DAAM2: variants seen among roughly 807,000 people sequenced by gnomAD.
The protein encoded by DAAM2 is dishevelled associated activator of morphogenesis 2, also known as disheveled-associated activator of morphogenesis 2.
In DAAM2, 39 loss-of-function variants were observed where a neutral mutation model predicts 120.7. The ratio of observed to expected loss-of-function variants is 0.32; its 90% CI spans 0.25 to 0.42. The LOEUF is 0.42. DAAM2 is among the 10% of genes least tolerant of loss of function. The pLI is 1.00. For synonymous variants in DAAM2, 488 were observed against 524.9 expected, an observed-to-expected ratio of 0.93 and a Z score of 0.96; for missense variants, 1,283 against 1,401.7, an observed-to-expected ratio of 0.92 and a Z score of 1.35.
Position 39,869,081 on chromosome 6 carries a change from CG to C in DAAM2, c.873+150del, listed in dbSNP as rs1764546773. The C allele has an allele frequency of 7.7e-6, 5 of 651,038 alleles. No individual in the cohort carries two copies. In the East Asian group the frequency reaches 1.4e-4, roughly 18 times the overall value. The allele number at this position is 651,038 out of a possible 1,614,324, so 40.3% of individuals were successfully genotyped here. The stretch of plus-strand genomic sequence containing the variant: ...TTGCCTACATAGGTAGCATCATGCA[CG>C]GTGGACAGACCCAGAGCTGAGCTGG... On this transcript the variant is annotated intron_variant, in intron 7 of 24. Transcript: ENST00000274867.
intron 1 of DAAM2, among the ~76,000 whole-genome samples, chr6:39,800,245 AC>A (rs1436566552): frequency 2.0e-5 from 3 of 152,118 alleles, no homozygotes; most frequent in African/African-American, 7.2e-5. Context: ...AGGCTGCGTG[AC>A]GGATGTACAC....
At chr6:39,807,432 A>G (rs1762041518) in intron 1 of DAAM2, among the ~76,000 whole-genome samples, 1 of 152,246 alleles carries the variant, frequency 6.6e-6, no homozygotes, top group African/African-American at 2.4e-5. Context: ...TAGGAAAGGC[A>G]GTAAGGCAGA....
intron 7 of DAAM2, among the ~76,000 whole-genome samples, chr6:39,869,753 CTTTTTTTTT>C (rs531295826): frequency 1.4e-3 from 146 of 102,018 alleles, no homozygotes; most frequent in African/African-American, 4.1e-3. Flanking sequence ...CGCCAGCATA[CTTTTTTTTT>C]TTTTTTTTTT....
intron 1 of DAAM2, among the ~76,000 whole-genome samples, chr6:39,847,597 TAGTC>T (rs1342863095): frequency 1.3e-5 from 2 of 152,114 alleles, no homozygotes; most frequent in South Asian, 2.1e-4. Context: ...CCCAGGTTCA[TAGTC>T]AGCCCAGGTC....
chr6:39,888,891 T>A, intron 17 of DAAM2, 128 bp downstream of exon 17: 1 of 576,778 alleles, frequency 1.7e-6, no homozygotes, highest in Non-Finnish European at 2.9e-6. Flanking sequence ...AGGGAGAAGG[T>A]TTATAGAAGC....
chr6:39,878,538 C>T lies in DAAM2; in HGVS notation c.1495C>T (p.Gln499Ter). The stretch of plus-strand genomic sequence containing the variant: ...GGCCCGGGAGTCCCAGGAGCTGCGC[C>T]AGGCTCGGGGACAAGTGGCAGAGCT... ...KLARESQELR[Q>*]ARGQVAELVA... Residue 499 changes from glutamine to a stop codon, truncating the protein, a stop_gained, in exon 13 of 25, where the codon CAG becomes TAG. Transcript: ENST00000274867. LOFTEE classifies it high-confidence loss of function. The surrounding 1 kb of genome is among the most constrained non-coding windows in gnomAD (Gnocchi z 5.0). 1 of 1,610,066 alleles carries T rather than the reference C, an allele frequency of 6.2e-7. No homozygotes were observed. The highest frequency in any genetic ancestry group is 8.5e-7 in the Non-Finnish European group (1 of 1,178,234).
At chr6:39,877,701 T>G (rs1179188445) in intron 11 of DAAM2, among the ~76,000 whole-genome samples, 1 of 152,250 alleles carries the variant, frequency 6.6e-6, no homozygotes, top group Admixed American at 6.5e-5. Flanking sequence ...TGAACAAGGC[T>G]GTCCTCTGTG....
At chr6:39,806,320 A>G (rs755209235) in intron 1 of DAAM2, among the ~76,000 whole-genome samples, 18 of 152,210 alleles carry the variant, frequency 1.2e-4, no homozygotes, top group Non-Finnish European at 2.4e-4. Context: ...TAGAGGAGCC[A>G]TTTCATCTGT....
chr6:39,839,917 G>A (rs1331068971), intron 1 of DAAM2, among the ~76,000 whole-genome samples: 1 of 152,146 alleles, frequency 6.6e-6, no homozygotes, highest in Non-Finnish European at 1.5e-5. Flanking sequence ...TGGGGGAGAA[G>A]AATGGGAGTT....
At position 39,880,556 on chromosome 6, in the gene DAAM2, C is replaced by A. The variant is rs187168513; in HGVS notation, c.1845+1079C>A. 3.2e-4 allele frequency among the ~76,000 whole-genome samples: 49 copies of A among 152,298 alleles called. 1 individual carries two copies. Among genetic ancestry groups the A allele is most frequent in the Middle Eastern group, 3.4e-3 (1 of 294 alleles). On this transcript the variant is annotated intron_variant, in intron 14 of 24. Coordinates refer to ENST00000274867, the MANE Select transcript of DAAM2 (RefSeq NM_001201427.2). ...AAATTAGGAAGCATGTTCAAAGAAACCCCTAGAGAGCCTGAGATGAGTTAA... is the reference window on the plus strand; with the variant it reads ...AAATTAGGAAGCATGTTCAAAGAAAACCCTAGAGAGCCTGAGATGAGTTAA...
intron 3 of DAAM2, chr6:39,861,586 C>T: frequency 5.3e-6 from 1 of 188,344 alleles, no homozygotes. Flanking sequence ...CTCCCTTCTG[C>T]TTTCCCAGCG....
chr6:39,829,635 C>A (rs1171443988), intron 1 of DAAM2, among the ~76,000 whole-genome samples: 1 of 152,160 alleles, frequency 6.6e-6, no homozygotes. Context: ...GTCCCTGGGT[C>A]AGTAGTGATC....
At chr6:39,893,473 G>A (rs1168731997) in intron 19 of DAAM2, among the ~76,000 whole-genome samples, 1 of 151,632 alleles carries the variant, frequency 6.6e-6, no homozygotes, top group Non-Finnish European at 1.5e-5. Flanking sequence ...AGCCGACATG[G>A]AACCACTGCA....
chr6:39,865,346 GATTT>G (rs1287699742), intron 5 of DAAM2, among the ~76,000 whole-genome samples: 2 of 152,304 alleles, frequency 1.3e-5, no homozygotes, highest in African/African-American at 4.8e-5. Flanking sequence ...AAAATTTATT[GATTT>G]ATTTTTGGTA....
intron 2 of DAAM2, among the ~76,000 whole-genome samples, chr6:39,860,281 G>T (rs1165748806): frequency 6.6e-6 from 1 of 152,202 alleles, no homozygotes; most frequent in Admixed American, 6.5e-5. Context: ...CAGTGGGAGG[G>T]GCTGCCTCCA....
chr6:39,831,233 A>G (rs1470654169), intron 1 of DAAM2, among the ~76,000 whole-genome samples: 1 of 152,146 alleles, frequency 6.6e-6, no homozygotes, highest in African/African-American at 2.4e-5. Flanking sequence ...AATACATGGG[A>G]TGTATAGTCT....
In DAAM2 at chr6:39,850,022, GC is replaced by G. The variant is rs534850153; in HGVS notation, c.-56-6221del. Among the ~76,000 whole-genome samples the G allele has an allele frequency of 1.7e-4, 25 of 143,614 alleles. 1 individual carries two copies. The South Asian group carries it at 4.0e-3, about 23-fold the overall frequency. The allele number at this position is 143,614 out of a possible 152,430, so 94.2% of individuals were successfully genotyped here. A position where few individuals can be genotyped will look rare whatever the true frequency, so the allele number is the denominator to read the frequency against. ...ATGCAGCAGCTCTGGGAAGCTCTGA[GC>G]CCCATTCCCAGCCCCAGCCCCAGGG... On this transcript the variant is annotated intron_variant, in intron 1 of 24. Transcript: ENST00000274867.
At chr6:39,887,867 G>T (rs528983988) in intron 16 of DAAM2, 15 of 423,890 alleles carry the variant, frequency 3.5e-5, no homozygotes, top group African/African-American at 2.8e-4. Context: ...TCAGGCCATG[G>T]AGCAGCATGA....
Position 39,904,689 on chromosome 6 carries a change from A to T in DAAM2, c.*2652A>T, listed in dbSNP as rs982301891. On this transcript the variant is annotated 3_prime_UTR_variant, in exon 25 of 25. Coordinates refer to ENST00000274867, the MANE Select transcript of DAAM2 (RefSeq NM_001201427.2). ...CATTTCCACCAACTGGGGAACTGTG[A>T]CTATCTATCTCCCCCGACTTCTACC... 1 of 453,872 alleles carries T rather than the reference A, an allele frequency of 2.2e-6. No individual in the cohort carries two copies. Among genetic ancestry groups the T allele is most frequent in the African/African-American group, 2.0e-5 (1 of 49,966 alleles). The allele number at this position is 453,872 out of a possible 1,614,324, so 28.1% of individuals were successfully genotyped here.
Sources: gnomAD v4.1 joint callset for allele counts (sites outside exome capture counted in the v4.1 genomes callset) on GRCh38, gnomAD v4.1.1 for gene constraint, Gnocchi (gnomAD v3.1) non-coding constraint, MANE v1.5 for transcripts, NCBI Gene and HGNC (gene_info 2026-07-23, HGNC 2026-07-21) for gene names.